The following CCDC38 variants were observed in gnomAD, a reference collection of about 807,000 sequenced individuals.
The protein encoded by CCDC38 is coiled-coil domain containing 38, also known as coiled-coil domain-containing protein 38.
Under a neutral mutation model 72.8 loss-of-function variants are expected in CCDC38, and 69 were observed. The observed-to-expected ratio is 0.95, with a 90% CI of 0.78 to 1.16. The LOEUF (loss-of-function observed/expected upper bound fraction) is 1.16. CCDC38 is among the 50% of genes most tolerant of loss of function. The pLI, the probability that CCDC38 is intolerant of heterozygous loss-of-function variation, is 0.00. For missense variants in CCDC38, 626 were observed against 638.9 expected (o/e 0.98, Z 0.22); for synonymous variants, 201 against 213.2 (o/e 0.94, Z 0.50).
In CCDC38 at chr12:95,878,244, G is replaced by C; in HGVS notation, c.1245C>G (p.Leu415=). ...KAAELQLKSK[L]FSFGEFNSDA... is the part of the protein sequence containing the mutation. ...CTGAATTAAATTCTCCAAAGCTAAA[G>C]AGCTTGGACTTTAATTGCAATTCTG... The change falls in exon 13 of 16, where the codon CTC becomes CTG. Residue 415 remains leucine, a synonymous_variant. Transcript: ENST00000344280. The C allele has an allele frequency of 1.2e-6, 2 of 1,613,540 alleles. No individual in the cohort carries two copies. The highest frequency in any genetic ancestry group is 1.7e-6 in the Non-Finnish European group (2 of 1,179,784).
chr12:95,870,874 G>A (rs1157733173), intron 14 of CCDC38, among the ~76,000 whole-genome samples: 1 of 152,172 alleles, frequency 6.6e-6, no homozygotes, highest in Non-Finnish European at 1.5e-5. Flanking sequence ...CTTACTATGC[G>A]CCAAGCATGC....
intron 2 of CCDC38, chr12:95,919,612 T>A (rs1290576279): frequency 2.2e-6 from 1 of 455,936 alleles, no homozygotes; most frequent in African/African-American, 2.0e-5. Flanking sequence ...AGCACCGACA[T>A]AGCTCTTACT....
intron 4 of CCDC38, among the ~76,000 whole-genome samples, chr12:95,912,206 G>A (rs1368572235): frequency 6.6e-6 from 1 of 152,136 alleles, no homozygotes; most frequent in East Asian, 1.9e-4. Context: ...AGACACTGAG[G>A]CCTCCTAAAG....
chr12:95,892,959 T>C (rs2079845380), intron 8 of CCDC38, among the ~76,000 whole-genome samples: 1 of 152,150 alleles, frequency 6.6e-6, no homozygotes, highest in Non-Finnish European at 1.5e-5. Context: ...TTACTGAGAC[T>C]CCATGATAAT....
chr12:95,883,806 G>A lies in CCDC38; in HGVS notation c.921-2252C>T, dbSNP rs1289697656. Among the ~76,000 whole-genome samples the A allele has an allele frequency of 2.0e-5, 3 of 152,218 alleles. No individual in the cohort carries two copies. In the South Asian group the frequency reaches 6.2e-4, roughly 31 times the overall value. The stretch of plus-strand genomic sequence containing the variant: ...ATGAATGGATGAGACTAGGAGAGTG[G>A]TGAGCTTTCTGAGGGAGCGAATGTG... On this transcript the variant is annotated intron_variant, in intron 10 of 15. Transcript: ENST00000344280.
intron 1 of CCDC38, among the ~76,000 whole-genome samples, chr12:95,938,969 G>A (rs941592255): frequency 1.3e-5 from 2 of 152,190 alleles, no homozygotes; most frequent in African/African-American, 4.8e-5. Flanking sequence ...TAAAATGGTG[G>A]TGTATAACTG....
At chr12:95,895,668 G>C (rs1009367024) in intron 7 of CCDC38, among the ~76,000 whole-genome samples, 1 of 145,694 alleles carries the variant, frequency 6.9e-6, no homozygotes, top group East Asian at 2.1e-4. Context: ...CAGGAGAATC[G>C]CTTGAACCCG....
chr12:95,896,609 T>C (rs1209367332), intron 7 of CCDC38: 2 of 152,272 alleles, frequency 1.3e-5, no homozygotes, highest in African/African-American at 4.8e-5. Flanking sequence ...CCGTTTTAGA[T>C]TGAAATCCTC....
chr12:95,904,549 T>G (rs1351521213), intron 5 of CCDC38, among the ~76,000 whole-genome samples: 6 of 152,230 alleles, frequency 3.9e-5, no homozygotes, highest in Non-Finnish European at 8.8e-5. Context: ...ATGCAAAGCT[T>G]CCAGTGTTCC....
At chr12:95,877,294 TACAC>T (rs67698295) in intron 13 of CCDC38, among the ~76,000 whole-genome samples, 32,444 of 151,988 alleles carry the variant, frequency 0.21, 4,210 homozygotes, top group Non-Finnish European at 0.29. Context: ...AGTGCACACT[TACAC>T]ACAGACATAT....
At chr12:95,941,264 C>A (rs560885722) in intron 1 of CCDC38, among the ~76,000 whole-genome samples, 99 of 152,334 alleles carry the variant, frequency 6.5e-4, no homozygotes, top group Non-Finnish European at 1.1e-3. Context: ...AGGAGAGGAA[C>A]TATACTATTG....
chr12:95,888,373 C>T, intron 10 of CCDC38, 85 bp downstream of exon 10: 1 of 1,192,800 alleles, frequency 8.4e-7, no homozygotes, highest in Non-Finnish European at 1.3e-6. Context: ...GGGTACATGA[C>T]ATATATGTTG....
At chr12:95,868,171 T>G (rs139804076) in intron 15 of CCDC38, among the ~76,000 whole-genome samples, 4 of 152,318 alleles carry the variant, frequency 2.6e-5, no homozygotes, top group Admixed American at 6.5e-5. Context: ...CTTTGTGTGT[T>G]GTTGATTTAT....
At chr12:95,869,789 G>C (rs1295908776) in intron 14 of CCDC38, 1 of 468,452 alleles carries the variant, frequency 2.1e-6, no homozygotes, top group African/African-American at 2.1e-5. Context: ...TCATCATTTT[G>C]GAAAATATAA....
chr12:95,928,893 C>G (rs866642840), intron 2 of CCDC38, among the ~76,000 whole-genome samples: 1 of 152,204 alleles, frequency 6.6e-6, no homozygotes, highest in Non-Finnish European at 1.5e-5. Flanking sequence ...GCAGTCTGCC[C>G]GTTCTCAGAT....
At position 95,907,661 on chromosome 12, in the gene CCDC38, A is replaced by G. The variant is rs74604419; in HGVS notation, c.305-1210T>C. Among the ~76,000 whole-genome samples, 72 of 95,892 alleles carry G rather than the reference A, an allele frequency of 7.5e-4. 2 individuals are homozygous for G. The highest frequency in any genetic ancestry group is 1.8e-3 in the African/African-American group (46 of 25,812). 62.9% of individuals were successfully genotyped at this position (95,892 alleles called of 152,430 possible). On this transcript the variant is annotated intron_variant, in intron 4 of 15. Transcript: ENST00000344280. ...TTCCCAGACGGGGTGGCTGCCGGGC[A>G]GAGGGGCTCCTCACTTCTCAGACGG...
chr12:95,937,237 G>A (rs2080404062), intron 1 of CCDC38, among the ~76,000 whole-genome samples: 1 of 152,096 alleles, frequency 6.6e-6, no homozygotes, highest in Admixed American at 6.5e-5. Context: ...GTGACCCTGA[G>A]AGCCAGTGCC....
chr12:95,892,912 G>A (rs912419879), intron 8 of CCDC38, among the ~76,000 whole-genome samples: 4 of 152,062 alleles, frequency 2.6e-5, no homozygotes, highest in Admixed American at 6.6e-5. Context: ...TATCTGGTCC[G>A]TTGAGCTGAC....
intron 2 of CCDC38, among the ~76,000 whole-genome samples, chr12:95,920,907 T>C (rs1344736855): frequency 2.0e-5 from 3 of 152,096 alleles, no homozygotes; most frequent in African/African-American, 7.2e-5. Flanking sequence ...GGTGGGTGGA[T>C]AACCTGAGGT....
Sources: gnomAD v4.1 joint callset for allele counts (sites outside exome capture counted in the v4.1 genomes callset) on GRCh38, gnomAD v4.1.1 for gene constraint, MANE v1.5 for transcripts, NCBI Gene and HGNC (gene_info 2026-07-23, HGNC 2026-07-21) for gene names.